Variants in PLD1 observed in about 807,000 individuals in gnomAD.
The protein encoded by PLD1 is phospholipase D1.
A neutral mutation model predicts 137.1 loss-of-function variants in PLD1; 112 were observed. The ratio of observed to expected loss-of-function variants is 0.82; its 90% CI spans 0.70 to 0.96. PLD1 has a LOEUF of 0.96. PLD1 is among the 40% of genes least tolerant of loss of function. The pLI is 0.00. For missense variants in PLD1, 1,321 were observed against 1,342.0 expected, an observed-to-expected ratio of 0.98 and a Z score of 0.24; for synonymous variants, 431 against 454.7, an observed-to-expected ratio of 0.95 and a Z score of 0.66.
At chr3:171,714,096 GAGA>G (rs754623100) in intron 8 of PLD1, 51 bp from the exon 9 acceptor site, 2 of 1,115,988 alleles carry the variant, frequency 1.8e-6, no homozygotes, top group Non-Finnish European at 2.7e-6. Context: ...TAAATAAAAC[GAGA>G]AGAACTAATC....
At chr3:171,733,154 G>A (rs144190918) in intron 6 of PLD1, among the ~76,000 whole-genome samples, 4 of 152,306 alleles carry the variant, frequency 2.6e-5, no homozygotes, top group South Asian at 4.1e-4. Context: ...AACCTGAGAA[G>A]AGAAGAAGGT....
At chr3:171,795,227 C>T (rs1200705570) in intron 1 of PLD1, among the ~76,000 whole-genome samples, 3 of 152,234 alleles carry the variant, frequency 2.0e-5, no homozygotes, top group African/African-American at 7.2e-5. Context: ...CACCCCTAGA[C>T]TCCTCTGTTG....
chr3:171,639,842 C>CTATATATA (rs1183896689), intron 23 of PLD1, among the ~76,000 whole-genome samples: 1 of 118,226 alleles, frequency 8.5e-6, no homozygotes, highest in African/African-American at 3.8e-5. Flanking sequence ...CTCTCTCTCT[C>CTATATATA]TCTCTCTATA....
intron 23 of PLD1, among the ~76,000 whole-genome samples, chr3:171,623,169 T>C (rs76854543): frequency 0.034 from 5,205 of 152,146 alleles, 321 homozygotes; most frequent in African/African-American, 0.12. Context: ...ATTAATGTAA[T>C]GTAATATAAG....
At chr3:171,748,646 T>G (rs529269944) in intron 1 of PLD1, among the ~76,000 whole-genome samples, 2 of 152,074 alleles carry the variant, frequency 1.3e-5, no homozygotes, top group African/African-American at 4.8e-5. Context: ...TTTCAATTTT[T>G]TGGCCATCTA....
intron 21 of PLD1, among the ~76,000 whole-genome samples, chr3:171,645,977 C>T (rs1578179609): frequency 6.6e-6 from 1 of 151,322 alleles, no homozygotes; most frequent in Non-Finnish European, 1.5e-5. Flanking sequence ...GTCCCATTCT[C>T]TCAAGTGATT....
chr3:171,764,609 T>G (rs1265281397), intron 1 of PLD1, among the ~76,000 whole-genome samples: 1 of 151,858 alleles, frequency 6.6e-6, no homozygotes, highest in East Asian at 1.9e-4. Flanking sequence ...AAACAAGTCA[T>G]TTAATCCAAT....
At chr3:171,689,620 C>A (rs1714948187) in intron 13 of PLD1, among the ~76,000 whole-genome samples, 1 of 152,116 alleles carries the variant, frequency 6.6e-6, no homozygotes, top group Non-Finnish European at 1.5e-5. Flanking sequence ...TCTGCCTCAG[C>A]CTCCTGAGTA....
At chr3:171,699,954 C>A in intron 11 of PLD1, 128 bp from the exon 12 acceptor site, 1 of 705,460 alleles carries the variant, frequency 1.4e-6, no homozygotes, top group Non-Finnish European at 2.5e-6. Flanking sequence ...ATGGGTAATC[C>A]AAAGCTTTAC....
At chr3:171,762,776 C>G (rs1721495433) in intron 1 of PLD1, among the ~76,000 whole-genome samples, 1 of 152,118 alleles carries the variant, frequency 6.6e-6, no homozygotes, top group South Asian at 2.1e-4. Flanking sequence ...TTTCAGATAT[C>G]TGAAGGACTA....
At chr3:171,809,516 G>A (rs1724024823) in intron 1 of PLD1, 1 of 152,186 alleles carries the variant, frequency 6.6e-6, no homozygotes, top group Non-Finnish European at 1.5e-5. Flanking sequence ...TAAAGTTAAC[G>A]GAACTCCCCA....
chr3:171,718,585 T>C (rs900751730), intron 8 of PLD1, among the ~76,000 whole-genome samples: 1 of 152,216 alleles, frequency 6.6e-6, no homozygotes, highest in Non-Finnish European at 1.5e-5. Flanking sequence ...GATTTTGCTT[T>C]CTTTCTCAGG....
At chr3:171,681,532 G>A (rs144387941) in intron 16 of PLD1, among the ~76,000 whole-genome samples, 2 of 152,036 alleles carry the variant, frequency 1.3e-5, no homozygotes, top group South Asian at 2.1e-4. Flanking sequence ...TCTACCTACC[G>A]AATTTCTACA....
chr3:171,653,437 A>C (rs1402079953), intron 21 of PLD1: 2 of 152,246 alleles, frequency 1.3e-5, no homozygotes, highest in African/African-American at 2.4e-5. Flanking sequence ...CAGGGAAATC[A>C]AAAATTGATT....
At chr3:171,737,247 G>A (rs1719430054) in intron 3 of PLD1, among the ~76,000 whole-genome samples, 1 of 152,236 alleles carries the variant, frequency 6.6e-6, no homozygotes, top group South Asian at 2.1e-4. Flanking sequence ...AGAAGATTAA[G>A]AGAGGCACTT....
chr3:171,725,267 AT>A (rs1394646322), intron 7 of PLD1, among the ~76,000 whole-genome samples: 1 of 152,160 alleles, frequency 6.6e-6, no homozygotes, highest in African/African-American at 2.4e-5. Flanking sequence ...AAAAGACTCC[AT>A]GCATTTCCAC....
intron 19 of PLD1, among the ~76,000 whole-genome samples, 193 bp downstream of exon 19, chr3:171,674,307 A>C (rs867737715): frequency 6.6e-6 from 1 of 152,248 alleles, no homozygotes; most frequent in Non-Finnish European, 1.5e-5. Context: ...TATTTATAAG[A>C]GTTTTAAAAA....
chr3:171,664,532 AC>A, intron 19 of PLD1, among the ~76,000 whole-genome samples: 1 of 150,988 alleles, frequency 6.6e-6, no homozygotes, highest in Admixed American at 6.6e-5. Context: ...ATCTCAGCTC[AC>A]TGAAACCTCT....
At chr3:171,729,982 T>C (rs1352503645) in intron 6 of PLD1, among the ~76,000 whole-genome samples, 1 of 152,194 alleles carries the variant, frequency 6.6e-6, no homozygotes, top group African/African-American at 2.4e-5. Context: ...TACTTCAAGG[T>C]AGAGATACGA....
Sources: allele counts gnomAD v4.1 joint callset (sites outside exome capture counted in the v4.1 genomes callset), GRCh38; gene constraint gnomAD v4.1.1; transcripts MANE v1.5; gene names NCBI Gene and HGNC (gene_info 2026-07-23, HGNC 2026-07-21).